FRMD6: variants seen among roughly 807,000 people sequenced by gnomAD.
FRMD6 encodes FERM domain containing 6.
FRMD6 carries 37 observed loss-of-function variants against 73.2 expected under a neutral mutation model. The ratio of observed to expected loss-of-function variants is 0.51; its 90% CI spans 0.39 to 0.66. The LOEUF is 0.66. Among genes scored for constraint, FRMD6 ranks in the 30% least tolerant of loss-of-function variants. FRMD6 has a pLI of 0.00. For missense variants in FRMD6, 714 were observed against 780.5 expected, an observed-to-expected ratio of 0.91 and a Z score of 1.02; for synonymous variants, 273 against 282.2, an observed-to-expected ratio of 0.97 and a Z score of 0.33.
chr14:51,591,622 G>A (rs939491523), intron 2 of FRMD6, among the ~76,000 whole-genome samples: 14 of 151,906 alleles, frequency 9.2e-5, no homozygotes, highest in Non-Finnish European at 1.8e-4. Flanking sequence ...AGCTCACTGC[G>A]ACCTCTGCCT....
At chr14:51,459,884 C>CTCTTTTTTTTTTTTT in the FRMD6 span, among the ~76,000 whole-genome samples, 14 of 74,650 alleles carry the variant, frequency 1.9e-4, no homozygotes, top group East Asian at 6.4e-4. Context: ...TACTGACTCT[C>CTCTTTTTTTTTTTTT]TTTTTTTTTT....
At chr14:51,407,886 C>G in the FRMD6 span, among the ~76,000 whole-genome samples, 1 of 152,018 alleles carries the variant, frequency 6.6e-6, no homozygotes, top group Non-Finnish European at 1.5e-5. Context: ...TTTATATATG[C>G]TTTGGCAGTT....
At chr14:51,560,690 A>C (rs996436607) in intron 1 of FRMD6, among the ~76,000 whole-genome samples, 1 of 151,970 alleles carries the variant, frequency 6.6e-6, no homozygotes, top group Non-Finnish European at 1.5e-5. Flanking sequence ...CACCATGTTG[A>C]TCAGTCTGGT....
the FRMD6 span, among the ~76,000 whole-genome samples, chr14:51,459,712 A>G: frequency 6.6e-6 from 1 of 151,046 alleles, no homozygotes; most frequent in Admixed American, 6.6e-5. Context: ...CTGTAGTCCC[A>G]GCTGCTCGGG....
chr14:51,517,458 G>A (rs746698228), intron 1 of FRMD6, among the ~76,000 whole-genome samples: 5 of 152,132 alleles, frequency 3.3e-5, no homozygotes, highest in Non-Finnish European at 5.9e-5. Context: ...CCTTTGTGTA[G>A]CTATTATAGA....
At chr14:51,415,210 G>A in the FRMD6 span, among the ~76,000 whole-genome samples, 443 of 152,316 alleles carry the variant, frequency 2.9e-3, no homozygotes, top group African/African-American at 0.01. Context: ...TGGTGAGAGA[G>A]GGCATCCCTG....
At chr14:51,397,805 A>C in the FRMD6 span, among the ~76,000 whole-genome samples, 4 of 152,242 alleles carry the variant, frequency 2.6e-5, no homozygotes, top group Non-Finnish European at 5.9e-5. Flanking sequence ...GATTATTTAA[A>C]ATATTGTATA....
At chr14:51,547,977 A>G (rs17124158) in intron 1 of FRMD6, 1,741 of 152,268 alleles carry the variant, frequency 0.011, 35 homozygotes, top group African/African-American at 0.04. Context: ...TATAACATTC[A>G]TTTTGAAATA....
the FRMD6 span, among the ~76,000 whole-genome samples, chr14:51,464,017 C>T: frequency 8.5e-5 from 13 of 152,198 alleles, no homozygotes; most frequent in East Asian, 2.5e-3. Context: ...GCTATGTTGC[C>T]CAGGCTGGTT....
intron 1 of FRMD6, among the ~76,000 whole-genome samples, chr14:51,510,471 GTTA>G (rs1190123807): frequency 2.0e-5 from 3 of 151,482 alleles, no homozygotes; most frequent in Non-Finnish European, 4.4e-5. Flanking sequence ...TTCCTGGATT[GTTA>G]TTAATAATTT....
chr14:51,540,887 T>C (rs1462775201), intron 1 of FRMD6, among the ~76,000 whole-genome samples: 1 of 152,146 alleles, frequency 6.6e-6, no homozygotes, highest in Non-Finnish European at 1.5e-5. Context: ...GGAATTCATA[T>C]TGAAACAAGA....
chr14:51,415,432 T>C, the FRMD6 span, among the ~76,000 whole-genome samples: 1 of 152,234 alleles, frequency 6.6e-6, no homozygotes, highest in African/African-American at 2.4e-5. Context: ...TGTCGCTGGT[T>C]CTGTTTATAT....
chr14:51,485,813 T>TTTGAAA (rs1882749946), upstream of FRMD6, among the ~76,000 whole-genome samples: 1 of 152,260 alleles, frequency 6.6e-6, no homozygotes, highest in African/African-American at 2.4e-5. Context: ...TTTTTCTACC[T>TTTGAAA]AAGCGAAAAA....
At position 51,518,161 on chromosome 14, in the gene FRMD6, A is replaced by C. The variant is rs187901485; in HGVS notation, c.-210+28741A>C. 8.2e-3 allele frequency among the ~76,000 whole-genome samples: 1,254 copies of C among 152,366 alleles called. 15 individuals are homozygous for C. Among genetic ancestry groups the C allele is most frequent in the Middle Eastern group, 0.02 (6 of 294 alleles). ...CCTATCCCCGTGGAATTGGTGAAGC[A>C]TTATATCAAAACTTAATCAAAACTT... is the stretch of plus-strand genomic sequence containing the variant. On this transcript the variant is annotated intron_variant, in intron 1 of 14. Coordinates refer to the FRMD6 transcript ENST00000356218.
At chr14:51,496,338 A>G (rs1470368811) in intron 1 of FRMD6, among the ~76,000 whole-genome samples, 2 of 152,206 alleles carry the variant, frequency 1.3e-5, no homozygotes, top group African/African-American at 2.4e-5. Flanking sequence ...TGAAAACAAC[A>G]ATGATTTCTT....
intron 1 of FRMD6, among the ~76,000 whole-genome samples, chr14:51,509,140 A>G (rs561719492): frequency 6.6e-6 from 1 of 152,354 alleles, no homozygotes; most frequent in African/African-American, 2.4e-5. Context: ...AAGACACACA[A>G]GAAAAATCAA....
At position 51,701,169 on chromosome 14, in the gene FRMD6, C is replaced by T. The variant is rs2140443496; in HGVS notation, c.294+10C>T. ...ATACGAAGTCACTTGGGTGAGATTA[C>T]ATTTATAAGCAAAATTATTTTGATT... On this transcript the variant is annotated intron_variant, in intron 4 of 13. Coordinates refer to ENST00000344768, the MANE Select transcript of FRMD6 (RefSeq NM_001267046.2). 1 of 1,442,248 alleles carries T rather than the reference C, an allele frequency of 6.9e-7. No homozygotes were observed. The highest frequency in any genetic ancestry group is 9.4e-7 in the Non-Finnish European group (1 of 1,059,160). The allele number at this position is 1,442,248 out of a possible 1,614,324, so 89.3% of individuals were successfully genotyped here.
intron 2 of FRMD6, among the ~76,000 whole-genome samples, chr14:51,691,452 T>A (rs1895556879): frequency 6.6e-6 from 1 of 152,166 alleles, no homozygotes; most frequent in Non-Finnish European, 1.5e-5. Flanking sequence ...TCAACCCCTC[T>A]CTGTGTTATC....
chr14:51,437,911 G>T, the FRMD6 span, among the ~76,000 whole-genome samples: 1 of 152,350 alleles, frequency 6.6e-6, no homozygotes, highest in African/African-American at 2.4e-5. Context: ...GAAGCTGGAA[G>T]TTGTGAGGCC....
Sources: gnomAD v4.1 joint callset for allele counts (sites outside exome capture counted in the v4.1 genomes callset) on GRCh38, gnomAD v4.1.1 for gene constraint, MANE v1.5 for transcripts, NCBI Gene and HGNC (gene_info 2026-07-23, HGNC 2026-07-21) for gene names.